LARP1B: variants seen among roughly 807,000 people sequenced by gnomAD.
The protein encoded by LARP1B is La ribonucleoprotein 1B, also known as la-related protein 1B.
LARP1B carries 76 observed loss-of-function variants against 114.2 expected under a neutral mutation model. That is an observed-to-expected ratio of 0.67 (90% CI 0.55 to 0.81). LARP1B has a LOEUF of 0.81. LARP1B is among the 30% of genes least tolerant of loss of function. The pLI is 0.00. For missense variants in LARP1B, 1,014 were observed against 1,075.8 expected (o/e 0.94, Z 0.80); for synonymous variants, 345 against 348.0 (o/e 0.99, Z 0.10).
At chr4:128,170,979 A>G (rs1469951473) in intron 12 of LARP1B, among the ~76,000 whole-genome samples, 1 of 145,632 alleles carries the variant, frequency 6.9e-6, no homozygotes, top group Admixed American at 7.0e-5. Context: ...TTGGACATAT[A>G]TATCTTTTTT....
intron 9 of LARP1B, among the ~76,000 whole-genome samples, chr4:128,111,636 G>C (rs1242834213): frequency 1.3e-5 from 2 of 152,088 alleles, no homozygotes; most frequent in African/African-American, 4.8e-5. Flanking sequence ...GCAGGAGTTT[G>C]AGGCTGTAGT....
chr4:128,097,968 G>A (rs1372398319), intron 7 of LARP1B, among the ~76,000 whole-genome samples: 3 of 151,922 alleles, frequency 2.0e-5, no homozygotes, highest in South Asian at 4.1e-4. Context: ...TAATTTTTTG[G>A]AAAATAATAT....
chr4:128,079,496 A>G (rs961748646), intron 4 of LARP1B, among the ~76,000 whole-genome samples: 1 of 152,172 alleles, frequency 6.6e-6, no homozygotes, highest in Non-Finnish European at 1.5e-5. Flanking sequence ...AAACAGTGAC[A>G]ACAAGACAAA....
chr4:128,090,074 C>CTTT (rs778984219), intron 5 of LARP1B, among the ~76,000 whole-genome samples: 1 of 119,200 alleles, frequency 8.4e-6, no homozygotes. Context: ...CACCGGGCCT[C>CTTT]TTTTTTTTTT....
intron 10 of LARP1B, among the ~76,000 whole-genome samples, chr4:128,117,489 G>A (rs1786282815): frequency 6.6e-6 from 1 of 152,026 alleles, no homozygotes; most frequent in South Asian, 2.1e-4. Flanking sequence ...GGGTTCAAGC[G>A]ATTCTCCTGC....
At chr4:128,068,704 C>T (rs560795051) in intron 1 of LARP1B, among the ~76,000 whole-genome samples, 3 of 152,166 alleles carry the variant, frequency 2.0e-5, no homozygotes, top group East Asian at 1.9e-4. Flanking sequence ...TGAGCCTGGC[C>T]TGGCAGATTC....
At chr4:128,178,078 G>A (rs1364661777) in intron 13 of LARP1B, among the ~76,000 whole-genome samples, 2 of 144,462 alleles carry the variant, frequency 1.4e-5, no homozygotes, top group Non-Finnish European at 3.0e-5. Context: ...GTTACATAAA[G>A]TTAATTATGC....
At chr4:128,167,479 A>G (rs2150509455) in intron 12 of LARP1B, among the ~76,000 whole-genome samples, 1 of 152,072 alleles carries the variant, frequency 6.6e-6, no homozygotes, top group East Asian at 1.9e-4. Flanking sequence ...TCCTAATCAG[A>G]TGTGTGGTTT....
chr4:128,176,626 G>T (rs1319946140), intron 12 of LARP1B, among the ~76,000 whole-genome samples: 2 of 152,038 alleles, frequency 1.3e-5, no homozygotes, highest in African/African-American at 4.8e-5. Context: ...AAGGAAAACA[G>T]TATTAACACA....
At chr4:128,064,840 G>A (rs1267562075) in intron 1 of LARP1B, among the ~76,000 whole-genome samples, 1 of 152,104 alleles carries the variant, frequency 6.6e-6, no homozygotes, top group East Asian at 1.9e-4. Context: ...TGAGGCTGTA[G>A]TGTCCTGTCA....
intron 11 of LARP1B, among the ~76,000 whole-genome samples, chr4:128,125,531 A>C (rs1561322946): frequency 6.6e-6 from 1 of 152,178 alleles, no homozygotes; most frequent in Non-Finnish European, 1.5e-5. Flanking sequence ...GTGGATCACG[A>C]GGTCAAGAGA....
At chr4:128,067,942 A>G (rs1370213192) in intron 1 of LARP1B, among the ~76,000 whole-genome samples, 1 of 151,988 alleles carries the variant, frequency 6.6e-6, no homozygotes, top group Non-Finnish European at 1.5e-5. Context: ...CTGCAGTGGC[A>G]CAATCTCGGC....
chr4:128,107,626 A>G, intron 9 of LARP1B: 2 of 1,406,152 alleles, frequency 1.4e-6, no homozygotes, highest in Non-Finnish European at 1.8e-6. Context: ...CCCCTGTAAA[A>G]TTGGAATAGT....
At position 128,113,781 on chromosome 4, in the gene LARP1B, CTTTTTTTTTTT is replaced by C. The variant is rs1156610852; in HGVS notation, c.989-777_989-767del. 1.1e-4 allele frequency among the ~76,000 whole-genome samples: 12 copies of C among 114,238 alleles called. No homozygotes were observed. In the South Asian group the frequency reaches 3.5e-3, roughly 34 times the overall value. 74.9% of individuals were successfully genotyped at this position (114,238 alleles called of 152,430 possible). A position where few individuals can be genotyped will look rare whatever the true frequency, so the allele number is the denominator to read the frequency against. On this transcript the variant is annotated intron_variant, in intron 9 of 19. Coordinates refer to ENST00000326639, the MANE Select transcript of LARP1B (RefSeq NM_018078.4). ...GTGCGTTAGTGATGTGACATTTACT[CTTTTTTTTTTT>C]TTTTTTTTTTTGAGATGGAGTTTCG...
At chr4:128,152,272 C>T (rs940736286) in intron 11 of LARP1B, among the ~76,000 whole-genome samples, 10 of 148,152 alleles carry the variant, frequency 6.7e-5, no homozygotes, top group Admixed American at 1.4e-4. Flanking sequence ...GGCGCAATCT[C>T]GGCTCACTGA....
chr4:128,147,678 CAAAATT>C (rs1281075188), intron 11 of LARP1B, among the ~76,000 whole-genome samples: 1 of 151,732 alleles, frequency 6.6e-6, no homozygotes, highest in Non-Finnish European at 1.5e-5. Flanking sequence ...ACCCAGAATT[CAAAATT>C]AAAAACTTAT....
At chr4:128,068,315 GC>G (rs1561029748) in intron 1 of LARP1B, among the ~76,000 whole-genome samples, 3 of 149,416 alleles carry the variant, frequency 2.0e-5, no homozygotes, top group African/African-American at 7.4e-5. Flanking sequence ...ACCACACCCG[GC>G]TTTTTTTTTT....
At chr4:128,078,814 C>T (rs1420313581) in intron 4 of LARP1B, among the ~76,000 whole-genome samples, 2 of 152,004 alleles carry the variant, frequency 1.3e-5, no homozygotes, top group African/African-American at 4.8e-5. Flanking sequence ...CGCTTCTAGG[C>T]AGAAAAGGGC....
chr4:128,172,146 T>A (rs1222311482), intron 12 of LARP1B, among the ~76,000 whole-genome samples: 1 of 152,122 alleles, frequency 6.6e-6, no homozygotes, highest in Non-Finnish European at 1.5e-5. Flanking sequence ...ATTGGCTGAT[T>A]ATTTTTTTTC....
Sources: allele counts gnomAD v4.1 joint callset (sites outside exome capture counted in the v4.1 genomes callset), GRCh38; gene constraint gnomAD v4.1.1; transcripts MANE v1.5; gene names NCBI Gene and HGNC (gene_info 2026-07-23, HGNC 2026-07-21).